Variants in LRRK1 observed in about 807,000 individuals in gnomAD.
LRRK1 encodes leucine rich repeat kinase 1.
In LRRK1, 113 loss-of-function variants were observed where a neutral mutation model predicts 209.1. The observed-to-expected ratio is 0.54, with a 90% confidence interval of 0.46 to 0.63. The LOEUF (loss-of-function observed/expected upper bound fraction) is 0.63, where lower values mean the gene tolerates loss of function less well. Among genes scored for constraint, LRRK1 ranks in the 30% least tolerant of loss-of-function variants. LRRK1 has a pLI of 0.00. For missense variants in LRRK1, 2,284 were observed against 2,632.2 expected (o/e 0.87, Z 2.89); for synonymous variants, 1,144 against 1,099.7 (o/e 1.04, Z -0.80).
At position 101,012,104 on chromosome 15, in the gene LRRK1, A is replaced by C; in HGVS notation, c.1378A>C (p.Asn460His). 5.0e-6 allele frequency: 8 copies of C among 1,613,098 alleles called. No homozygotes were observed. Among genetic ancestry groups the C allele is most frequent in the Non-Finnish European group, 5.9e-6 (7 of 1,179,720 alleles). Residue 460 changes from asparagine (N) to histidine (H), a missense_variant, in exon 10 of 34, where the codon AAC becomes CAC. Transcript: ENST00000388948. ...CCTGAAGGATGTGGATTTCTCAGAA[A>C]ACGCACTCAAAGAAGTTCCCCTGGG... ...NHLKDVDFSE[N>H]ALKEVPLGLF...
At chr15:101,054,107 T>C (rs1473026224) in intron 26 of LRRK1, among the ~76,000 whole-genome samples, 1 of 151,958 alleles carries the variant, frequency 6.6e-6, no homozygotes, top group Non-Finnish European at 1.5e-5. Flanking sequence ...ACTTCCCGAG[T>C]AGCTACAAGC....
At chr15:101,004,507 G>A (rs946804364) in intron 6 of LRRK1, among the ~76,000 whole-genome samples, 2 of 152,230 alleles carry the variant, frequency 1.3e-5, no homozygotes, top group Non-Finnish European at 2.9e-5. Context: ...AGGTTGAGCT[G>A]CAGAGGCAGC....
chr15:101,055,864 T>G (rs1273624519), intron 27 of LRRK1, among the ~76,000 whole-genome samples: 1 of 152,242 alleles, frequency 6.6e-6, no homozygotes, highest in Non-Finnish European at 1.5e-5. Flanking sequence ...CCTTGTTAAT[T>G]GATCACCCAG....
chr15:100,942,744 TAC>T (rs2042465412), intron 2 of LRRK1, among the ~76,000 whole-genome samples: 1 of 152,212 alleles, frequency 6.6e-6, no homozygotes, highest in Non-Finnish European at 1.5e-5. Flanking sequence ...AGAAAACTGG[TAC>T]AGTGTGAAGT....
intron 4 of LRRK1, chr15:100,988,420 T>G: frequency 1.7e-6 from 1 of 594,596 alleles, no homozygotes; most frequent in Non-Finnish European, 3.0e-6. Context: ...GTTGTTGCGT[T>G]AGTTCACTTA....
Position 100,989,380 on chromosome 15 carries a change from C to G in LRRK1, c.744C>G (p.Ser248Arg). ...TCATTGAAGCCAGTCCCTTGCCCAGCAGTTATCCGGGAAAAACAGTGAGTA... is the reference window on the plus strand; with the variant it reads ...TCATTGAAGCCAGTCCCTTGCCCAGGAGTTATCCGGGAAAAACAGTGAGTA... ...KYFIEASPLP[S>R]SYPGKTALRV... The change falls in exon 6 of 34, where the codon AGC becomes AGG. Residue 248 changes from serine to arginine, a missense_variant. Physicochemically the swap from Ser to Arg is moderately radical, Grantham distance 110. Transcript: ENST00000388948. The G allele has an allele frequency of 6.2e-7, 1 of 1,614,188 alleles. No individual in the cohort carries two copies. The highest frequency in any genetic ancestry group is 8.5e-7 in the Non-Finnish European group (1 of 1,180,022).
rs1046335520 is a variant in LRRK1, at chr15:101,008,946, C to A, written c.872C>A (p.Ala291Glu). ...CTCGACCTTTCTGCCAACTGCCTGG[C>A]GACCCTCCCCTCGGTTATCCCCTGG... Reference protein sequence around the residue: ...TELDLSANCLATLPSVIPWGL... With the variant: ...TELDLSANCLETLPSVIPWGL... Residue 291 changes from alanine to glutamate, a missense_variant, in exon 7 of 34, where the codon GCG becomes GAG. By Grantham distance (107) the Ala-to-Glu change is moderately radical. This residue lies in a region of LRRK1 where 494 missense variants were observed against 522.1 expected (regional missense o/e 0.95). Transcript: ENST00000388948. The A allele has an allele frequency of 1.2e-6, 2 of 1,613,988 alleles. No individual in the cohort carries two copies. The highest frequency in any genetic ancestry group is 1.7e-6 in the Non-Finnish European group (2 of 1,179,976).
chr15:100,958,826 G>A (rs1197338977), intron 2 of LRRK1, among the ~76,000 whole-genome samples: 1 of 152,116 alleles, frequency 6.6e-6, no homozygotes, highest in African/African-American at 2.4e-5. Flanking sequence ...GAAGCAGCGC[G>A]GGGTCAGCAT....
intron 2 of LRRK1, among the ~76,000 whole-genome samples, chr15:100,944,419 C>T (rs944502390): frequency 6.6e-6 from 1 of 152,078 alleles, no homozygotes; most frequent in Admixed American, 6.6e-5. Context: ...TATCTTAGGT[C>T]GAAGGGGTGG....
intron 6 of LRRK1, among the ~76,000 whole-genome samples, chr15:100,993,707 C>G (rs982508821): frequency 3.3e-5 from 5 of 152,178 alleles, no homozygotes; most frequent in Admixed American, 3.3e-4. Flanking sequence ...GGTTTTTAAT[C>G]TCATCTGAGT....
rs2036161588 is a variant in LRRK1 at position 101,061,296 on chromosome 15, C to T, written c.4797+8C>T. 1.3e-6 allele frequency: 2 copies of T among 1,597,190 alleles called. No homozygotes were observed. The highest frequency in any genetic ancestry group is 1.7e-6 in the Non-Finnish European group (2 of 1,166,228). On this transcript the variant is annotated splice_region_variant and intron_variant, in intron 30 of 33. Transcript: ENST00000388948. ...CTGTGGACAGCCACCGAGGTAAGCA[C>T]TGCCCGCAGGCCTGCCCACCGAGGT...
chr15:100,995,967 T>C (rs757529623), intron 6 of LRRK1, among the ~76,000 whole-genome samples: 2 of 152,244 alleles, frequency 1.3e-5, no homozygotes, highest in African/African-American at 4.8e-5. Context: ...CCACCCTTCA[T>C]GTCTGTGTGT....
intron 29 of LRRK1, among the ~76,000 whole-genome samples, chr15:101,060,590 C>T (rs1036644449): frequency 3.3e-5 from 5 of 152,212 alleles, no homozygotes; most frequent in Non-Finnish European, 5.9e-5. Flanking sequence ...CTGCGTGATG[C>T]GGGGTACATA....
At chr15:100,957,269 G>A (rs573685500) in intron 2 of LRRK1, among the ~76,000 whole-genome samples, 5 of 152,186 alleles carry the variant, frequency 3.3e-5, no homozygotes, top group Non-Finnish European at 5.9e-5. Flanking sequence ...ATATTCTCTC[G>A]CTGTTGAAGG....
chr15:101,034,964 G>T (rs932413026), intron 20 of LRRK1, among the ~76,000 whole-genome samples: 7 of 150,980 alleles, frequency 4.6e-5, no homozygotes, highest in African/African-American at 1.7e-4. Flanking sequence ...TACCAATTTT[G>T]GTTATTTGGG....
chr15:101,063,940 G>C (rs2036360658), intron 31 of LRRK1, among the ~76,000 whole-genome samples: 2 of 152,336 alleles, frequency 1.3e-5, no homozygotes, highest in South Asian at 4.1e-4. Context: ...GTGTTATTGA[G>C]GCCACCGCTG....
intron 2 of LRRK1, among the ~76,000 whole-genome samples, chr15:100,959,608 G>A (rs2042833685): frequency 6.6e-6 from 1 of 152,174 alleles, no homozygotes; most frequent in Admixed American, 6.5e-5. Flanking sequence ...AGCCTCACAG[G>A]CACCTGGAGT....
At chr15:101,009,557 A>G (rs2033135912) in intron 7 of LRRK1, among the ~76,000 whole-genome samples, 1 of 152,150 alleles carries the variant, frequency 6.6e-6, no homozygotes, top group Non-Finnish European at 1.5e-5. Flanking sequence ...TGGAAGGAGG[A>G]ATGACCTTAG....
chr15:100,950,822 G>T (rs1281918940), intron 2 of LRRK1, among the ~76,000 whole-genome samples: 1 of 152,264 alleles, frequency 6.6e-6, no homozygotes, highest in Non-Finnish European at 1.5e-5. Flanking sequence ...AAAAAGAGCA[G>T]GCCGGGCGCG....
Sources: gnomAD v4.1 joint callset for allele counts (sites outside exome capture counted in the v4.1 genomes callset) on GRCh38, gnomAD v4.1.1 for gene constraint, gnomAD v4.1.1 regional missense constraint, MANE v1.5 for transcripts, NCBI Gene and HGNC (gene_info 2026-07-23, HGNC 2026-07-21) for gene names.